Variants in GCNT2 observed in about 807,000 individuals in gnomAD.
GCNT2 encodes the protein N-acetyllactosaminide beta-1,6-N-acetylglucosaminyl-transferase.
A neutral mutation model predicts 34.2 loss-of-function variants in GCNT2; 34 were observed. That is an observed-to-expected ratio of 1.00 (90% CI 0.76 to 1.32). The LOEUF is 1.32. Ranked by LOEUF, GCNT2 falls within the 40% of genes most tolerant of loss-of-function variation. GCNT2 has a pLI of 0.00. For synonymous variants in GCNT2, 212 were observed against 188.0 expected, an observed-to-expected ratio of 1.13 and a Z score of -1.04; for missense variants, 584 against 489.4, an observed-to-expected ratio of 1.19 and a Z score of -1.82.
intron 3 of GCNT2, among the ~76,000 whole-genome samples, chr6:10,553,125 A>G (rs997940413): frequency 2.0e-5 from 3 of 152,218 alleles, no homozygotes; most frequent in African/African-American, 7.2e-5. Flanking sequence ...ACAATAGACA[A>G]ACAAGTCTCA....
chr6:10,561,256 G>A (rs979114363), intron 3 of GCNT2, among the ~76,000 whole-genome samples: 33 of 152,240 alleles, frequency 2.2e-4, no homozygotes, highest in Admixed American at 4.6e-4. Context: ...TCCGCCTCCT[G>A]GGTTCAAGCG....
chr6:10,585,643 T>C (rs1413101880), intron 3 of GCNT2: 2 of 449,820 alleles, frequency 4.4e-6, no homozygotes, highest in East Asian at 6.4e-5. Context: ...GGACCCATCA[T>C]TGCATTCCAG....
chr6:10,616,289 AC>A (rs1765758199), intron 3 of GCNT2, among the ~76,000 whole-genome samples: 2 of 152,172 alleles, frequency 1.3e-5, no homozygotes, highest in South Asian at 2.1e-4. Context: ...GGTGAGTGTT[AC>A]CACTCATATA....
intron 3 of GCNT2, among the ~76,000 whole-genome samples, chr6:10,607,936 G>GCA (rs1765394322): frequency 6.6e-6 from 1 of 152,142 alleles, no homozygotes; most frequent in Non-Finnish European, 1.5e-5. Flanking sequence ...AATTGACAGA[G>GCA]CAGGCACTTG....
chr6:10,618,730 T>C (rs1765899491), intron 3 of GCNT2, among the ~76,000 whole-genome samples: 1 of 137,170 alleles, frequency 7.3e-6, no homozygotes, highest in Admixed American at 7.6e-5. Flanking sequence ...AAATGTGTGT[T>C]AAGAACAAAA....
At chr6:10,600,559 A>C (rs918472221) in intron 3 of GCNT2, among the ~76,000 whole-genome samples, 3 of 151,938 alleles carry the variant, frequency 2.0e-5, no homozygotes, top group African/African-American at 7.3e-5. Context: ...CCCTACCCCC[A>C]GTGTCCCCTT....
intron 3 of GCNT2, chr6:10,555,616 C>A: frequency 5.8e-6 from 2 of 343,206 alleles, no homozygotes; most frequent in Non-Finnish European, 8.2e-6. Context: ...ACAAACACCA[C>A]AGCCGAAGCT....
At chr6:10,559,695 C>T (rs1210254497) in intron 3 of GCNT2, among the ~76,000 whole-genome samples, 1 of 152,258 alleles carries the variant, frequency 6.6e-6, no homozygotes, top group Non-Finnish European at 1.5e-5. Flanking sequence ...GAGGCGAGAG[C>T]TCCTCCAGAG....
chr6:10,591,720 T>C (rs1483263330), intron 3 of GCNT2, among the ~76,000 whole-genome samples: 2 of 152,198 alleles, frequency 1.3e-5, no homozygotes, highest in Non-Finnish European at 2.9e-5. Context: ...CTGGGCTTCT[T>C]CTCACTTAAT....
chr6:10,548,950 G>T (rs1762374840), intron 3 of GCNT2, among the ~76,000 whole-genome samples: 1 of 152,136 alleles, frequency 6.6e-6, no homozygotes, highest in South Asian at 2.1e-4. Context: ...GGAGAGACGG[G>T]GTTTCACCAC....
chr6:10,531,657 A>G (rs1307049539), intron 3 of GCNT2, among the ~76,000 whole-genome samples: 1 of 152,202 alleles, frequency 6.6e-6, no homozygotes, highest in Non-Finnish European at 1.5e-5. Context: ...ATAGTGATCA[A>G]AAGAAATTAG....
intron 3 of GCNT2, among the ~76,000 whole-genome samples, chr6:10,581,486 T>C (rs1182823254): frequency 1.3e-5 from 2 of 152,134 alleles, no homozygotes; most frequent in African/African-American, 4.8e-5. Flanking sequence ...GTCAGGCTGG[T>C]CTCGAACTCC....
At chr6:10,533,231 G>C (rs976018554) in intron 3 of GCNT2, among the ~76,000 whole-genome samples, 2 of 151,124 alleles carry the variant, frequency 1.3e-5, no homozygotes, top group Non-Finnish European at 3.0e-5. Context: ...ACTTCAGCCT[G>C]GGAGGCGGAG....
chr6:10,542,256 G>C (rs648038), intron 3 of GCNT2, among the ~76,000 whole-genome samples: 23,148 of 152,124 alleles, frequency 0.15, 2,309 homozygotes, highest in African/African-American at 0.29. Context: ...AGATTTTCTA[G>C]AAGGCTTGCC....
At chr6:10,540,129 AAGGAAGGAAGGAAGAG>A (rs1761973111) in intron 3 of GCNT2, among the ~76,000 whole-genome samples, 1 of 151,558 alleles carries the variant, frequency 6.6e-6, no homozygotes, top group Non-Finnish European at 1.5e-5. Context: ...TAAAGGATGG[AAGGAAGGAAGGAAGAG>A]AGGGAGAGAG....
At chr6:10,567,239 C>A (rs1014775451) in intron 3 of GCNT2, among the ~76,000 whole-genome samples, 2 of 152,172 alleles carry the variant, frequency 1.3e-5, no homozygotes, top group East Asian at 1.9e-4. Flanking sequence ...GTGGAAAGAT[C>A]ACTTGGCCCC....
chr6:10,574,101 T>C (rs528179477), intron 3 of GCNT2, among the ~76,000 whole-genome samples: 130 of 152,316 alleles, frequency 8.5e-4, no homozygotes, highest in African/African-American at 1.7e-3. Flanking sequence ...AAGAACCCTA[T>C]GGGGTCAGCG....
intron 3 of GCNT2, among the ~76,000 whole-genome samples, chr6:10,557,537 G>C (rs1170685177): frequency 6.6e-6 from 1 of 151,804 alleles, no homozygotes; most frequent in East Asian, 1.9e-4. Flanking sequence ...GCCCAGGCTG[G>C]AGTGCAGGGG....
At chr6:10,584,593 T>A (rs1263514631) in intron 3 of GCNT2, among the ~76,000 whole-genome samples, 1 of 152,204 alleles carries the variant, frequency 6.6e-6, no homozygotes, top group Non-Finnish European at 1.5e-5. Flanking sequence ...ACCTGGACAA[T>A]ACCCAGGCTT....
Sources: gnomAD v4.1 joint callset for allele counts (sites outside exome capture counted in the v4.1 genomes callset) on GRCh38, gnomAD v4.1.1 for gene constraint, MANE v1.5 for transcripts, NCBI Gene and HGNC (gene_info 2026-07-23, HGNC 2026-07-21) for gene names.